Variants in SHISA9 observed in about 807,000 individuals in gnomAD.
SHISA9 encodes the protein shisa family member 9, also known as protein shisa-9.
In SHISA9, 13 loss-of-function variants were observed where a neutral mutation model predicts 38.0. The ratio of observed to expected loss-of-function variants is 0.34; its 90% confidence interval spans 0.22 to 0.54. The LOEUF is 0.54. Among genes scored for constraint, SHISA9 ranks in the 20% least tolerant of loss-of-function variants. The pLI is 0.91. For missense variants in SHISA9, 538 were observed against 575.8 expected, an observed-to-expected ratio of 0.93 and a Z score of 0.67; for synonymous variants, 275 against 242.0, an observed-to-expected ratio of 1.14 and a Z score of -1.27.
the SHISA9 span, among the ~76,000 whole-genome samples, chr16:13,313,579 T>A: frequency 2.6e-5 from 4 of 152,150 alleles, no homozygotes; most frequent in South Asian, 8.3e-4. Context: ...AGGAGGGTGG[T>A]GTGTGTGGAA....
chr16:13,086,989 G>T (rs914301350), intron 2 of SHISA9, among the ~76,000 whole-genome samples: 5 of 131,456 alleles, frequency 3.8e-5, no homozygotes, highest in African/African-American at 1.4e-4. Flanking sequence ...ACAGGCCCCG[G>T]TGTGTGATGT....
At chr16:13,352,478 G>T in the SHISA9 span, among the ~76,000 whole-genome samples, 23 of 152,146 alleles carry the variant, frequency 1.5e-4, no homozygotes, top group East Asian at 4.5e-3. Flanking sequence ...AGATGGGAGC[G>T]TAGCTATATC....
intron 2 of SHISA9, among the ~76,000 whole-genome samples, chr16:13,035,103 C>G (rs1053016078): frequency 2.0e-5 from 3 of 151,904 alleles, no homozygotes; most frequent in African/African-American, 7.3e-5. Flanking sequence ...GATATTGATA[C>G]TATCAACAAA....
downstream of SHISA9, among the ~76,000 whole-genome samples, chr16:13,241,151 T>C (rs2051432158): frequency 6.6e-6 from 1 of 152,166 alleles, no homozygotes; most frequent in East Asian, 1.9e-4. Context: ...CAAATTGCTT[T>C]CAGGGATGCT....
At chr16:13,017,007 T>C (rs991919758) in intron 2 of SHISA9, among the ~76,000 whole-genome samples, 1 of 151,528 alleles carries the variant, frequency 6.6e-6, no homozygotes, top group Non-Finnish European at 1.5e-5. Flanking sequence ...CTTCTTCTTT[T>C]TTGTTTCTTT....
chr16:13,292,012 C>T, the SHISA9 span, among the ~76,000 whole-genome samples: 11 of 151,896 alleles, frequency 7.2e-5, no homozygotes, highest in South Asian at 2.1e-3. Flanking sequence ...ATATCTGAGT[C>T]TATATATTTT....
chr16:13,033,452 C>G (rs1216272618), intron 2 of SHISA9, among the ~76,000 whole-genome samples: 3 of 152,148 alleles, frequency 2.0e-5, no homozygotes, highest in East Asian at 3.9e-4. Context: ...TTTTCAGAAG[C>G]CTTTCTTTTT....
chr16:13,369,321 C>T, the SHISA9 span, among the ~76,000 whole-genome samples: 4 of 152,038 alleles, frequency 2.6e-5, no homozygotes, highest in Admixed American at 2.6e-4. Flanking sequence ...AAAGGAAGTT[C>T]TGAACAAAAC....
the SHISA9 span, among the ~76,000 whole-genome samples, chr16:13,491,818 C>CTTTTTTTTTT: frequency 5.4e-4 from 24 of 44,540 alleles, 4 homozygotes; most frequent in Admixed American, 8.6e-4. Flanking sequence ...ATTTATTGAC[C>CTTTTTTTTTT]TTTTTTTTTT....
the SHISA9 span, among the ~76,000 whole-genome samples, chr16:13,537,561 T>G: frequency 6.6e-5 from 10 of 152,222 alleles, no homozygotes; most frequent in Non-Finnish European, 1.3e-4. Context: ...CATTAACTGA[T>G]GTATTCCTAG....
chr16:12,973,378 G>T (rs907346395), intron 2 of SHISA9, among the ~76,000 whole-genome samples: 3 of 152,190 alleles, frequency 2.0e-5, no homozygotes, highest in African/African-American at 7.2e-5. Context: ...TTGTTTCGCT[G>T]GAGAGTTCAA....
At chr16:13,146,068 G>A (rs2050444753) in intron 2 of SHISA9, among the ~76,000 whole-genome samples, 1 of 152,148 alleles carries the variant, frequency 6.6e-6, no homozygotes, top group Non-Finnish European at 1.5e-5. Flanking sequence ...TGTGCCTGTG[G>A]TCCCGGCTAC....
At chr16:13,543,519 T>C in the SHISA9 span, among the ~76,000 whole-genome samples, 1 of 152,182 alleles carries the variant, frequency 6.6e-6, no homozygotes, top group Non-Finnish European at 1.5e-5. Context: ...ACGGCCAGCA[T>C]AAAACTGGGA....
At chr16:13,267,104 C>A in the SHISA9 span, among the ~76,000 whole-genome samples, 5 of 152,060 alleles carry the variant, frequency 3.3e-5, no homozygotes, top group African/African-American at 1.2e-4. Context: ...TTAAAAATGT[C>A]TTTAACTTTA....
the SHISA9 span, among the ~76,000 whole-genome samples, chr16:13,532,357 T>C: frequency 6.6e-6 from 1 of 152,106 alleles, no homozygotes; most frequent in African/African-American, 2.4e-5. Flanking sequence ...GAAACACAGC[T>C]GGAGGAAGTA....
At chr16:13,478,541 G>A in the SHISA9 span, among the ~76,000 whole-genome samples, 2 of 152,146 alleles carry the variant, frequency 1.3e-5, no homozygotes, top group Admixed American at 1.3e-4. Context: ...AGTTCCTGCA[G>A]CTGTAAAATG....
At chr16:13,285,861 C>A in the SHISA9 span, among the ~76,000 whole-genome samples, 1 of 152,072 alleles carries the variant, frequency 6.6e-6, no homozygotes, top group African/African-American at 2.4e-5. Context: ...TGGTTCTCCT[C>A]CTATCTTTCC....
chr16:13,466,809 A>T, the SHISA9 span, among the ~76,000 whole-genome samples: 1 of 152,190 alleles, frequency 6.6e-6, no homozygotes, highest in Non-Finnish European at 1.5e-5. Flanking sequence ...ATTTTACATT[A>T]TAGCATTTAG....
At chr16:13,340,362 T>C in the SHISA9 span, among the ~76,000 whole-genome samples, 1 of 152,360 alleles carries the variant, frequency 6.6e-6, no homozygotes, top group African/African-American at 2.4e-5. Flanking sequence ...GACAGTGTTA[T>C]CCTTTGGATG....
Sources: allele counts gnomAD v4.1 joint callset (sites outside exome capture counted in the v4.1 genomes callset), GRCh38; gene constraint gnomAD v4.1.1; transcripts MANE v1.5; gene names NCBI Gene and HGNC (gene_info 2026-07-23, HGNC 2026-07-21).